The following MSRB3 variants were observed in gnomAD, a reference collection of about 807,000 sequenced individuals.
The protein encoded by MSRB3 is methionine-R-sulfoxide reductase B3.
MSRB3 carries 13 observed loss-of-function variants against 21.0 expected under a neutral mutation model. The ratio of observed to expected loss-of-function variants is 0.62; its 90% CI spans 0.40 to 0.98. The LOEUF is 0.98. MSRB3 is among the 50% of genes least tolerant of loss of function. The pLI is 0.00. For missense variants in MSRB3, 199 were observed against 230.3 expected (o/e 0.86, Z 0.88); for synonymous variants, 87 against 88.6 (o/e 0.98, Z 0.10).
intron 1 of MSRB3, among the ~76,000 whole-genome samples, chr12:65,306,416 C>T (rs1439136566): frequency 6.6e-6 from 1 of 152,178 alleles, no homozygotes; most frequent in African/African-American, 2.4e-5. Flanking sequence ...GTCTCAGCTA[C>T]ATATTTTCAG....
chr12:65,327,173 A>C (rs1875102561), intron 3 of MSRB3, among the ~76,000 whole-genome samples: 1 of 152,208 alleles, frequency 6.6e-6, no homozygotes, highest in Admixed American at 6.5e-5. Context: ...GCTTTTGTTA[A>C]GGGCCTGTTT....
chr12:65,395,570 T>C (rs993225736), intron 5 of MSRB3, among the ~76,000 whole-genome samples: 6 of 152,178 alleles, frequency 3.9e-5, no homozygotes, highest in African/African-American at 1.2e-4. Context: ...CTGGAAGAGA[T>C]TGTAGAAAAT....
At chr12:65,326,401 T>A (rs1323918784) in intron 2 of MSRB3, among the ~76,000 whole-genome samples, 2 of 152,178 alleles carry the variant, frequency 1.3e-5, no homozygotes, top group East Asian at 3.8e-4. Flanking sequence ...GCTATTCTAC[T>A]AAGTTGCAAA....
chr12:65,438,249 C>A (rs1882210161), intron 5 of MSRB3, among the ~76,000 whole-genome samples: 1 of 151,832 alleles, frequency 6.6e-6, no homozygotes, highest in South Asian at 2.1e-4. Flanking sequence ...TTGAAGGAAG[C>A]CACTGCTGAG....
chr12:65,435,471 C>G (rs1359466208), intron 5 of MSRB3, among the ~76,000 whole-genome samples: 1 of 151,794 alleles, frequency 6.6e-6, no homozygotes, highest in African/African-American at 2.4e-5. Context: ...CTCCACGTGT[C>G]TCTCTGATGT....
At chr12:65,285,075 A>G (rs966419359) in intron 1 of MSRB3, 6 of 152,160 alleles carry the variant, frequency 3.9e-5, no homozygotes, top group African/African-American at 1.4e-4. Context: ...TTTCCACCAG[A>G]TGGAGTACTC....
intron 5 of MSRB3, among the ~76,000 whole-genome samples, chr12:65,399,240 A>T (rs1362852751): frequency 6.6e-6 from 1 of 152,184 alleles, no homozygotes; most frequent in Non-Finnish European, 1.5e-5. Context: ...ATCCATGAGC[A>T]TGGAATGTTT....
At chr12:65,316,758 G>T (rs1300458095) in intron 2 of MSRB3, among the ~76,000 whole-genome samples, 13 of 152,102 alleles carry the variant, frequency 8.5e-5, no homozygotes, top group Admixed American at 7.9e-4. Flanking sequence ...GATTCTATAT[G>T]AACACTTTCT....
intron 4 of MSRB3, among the ~76,000 whole-genome samples, chr12:65,346,360 T>C (rs1592546428): frequency 6.6e-6 from 1 of 152,174 alleles, no homozygotes; most frequent in East Asian, 1.9e-4. Flanking sequence ...TTTTCATGTG[T>C]TTTTTGGCTA....
intron 4 of MSRB3, among the ~76,000 whole-genome samples, chr12:65,358,720 C>T (rs1306822530): frequency 6.6e-6 from 1 of 151,942 alleles, no homozygotes; most frequent in Admixed American, 6.6e-5. Context: ...TAGGTGGCCT[C>T]TCTGCTTTGA....
intron 4 of MSRB3, among the ~76,000 whole-genome samples, chr12:65,348,921 T>C (rs1876730229): frequency 6.9e-6 from 1 of 145,292 alleles, no homozygotes; most frequent in Admixed American, 6.7e-5. Context: ...TTTCTTTTTT[T>C]ATATACTTTA....
chr12:65,332,299 G>GTC (rs1430636933), intron 4 of MSRB3, among the ~76,000 whole-genome samples: 1 of 152,130 alleles, frequency 6.6e-6, no homozygotes, highest in East Asian at 1.9e-4. Context: ...TGAGGTGTGT[G>GTC]TGTGTGTGTG....
chr12:65,401,510 C>T lies in MSRB3; in HGVS notation c.292+32484C>T, dbSNP rs184718836. On this transcript the variant is annotated intron_variant, in intron 5 of 6. Coordinates refer to ENST00000308259, the MANE Select transcript of MSRB3 (RefSeq NM_001031679.3). ...TTTTGAGCTTATATGTGTCTTTGCACGTGAGATGGGTATCCTGAATACAGC... is the reference window on the plus strand; with the variant it reads ...TTTTGAGCTTATATGTGTCTTTGCATGTGAGATGGGTATCCTGAATACAGC... 3.2e-3 allele frequency among the ~76,000 whole-genome samples: 489 copies of T among 152,232 alleles called. 1 individual carries two copies. Among genetic ancestry groups the T allele is most frequent in the Non-Finnish European group, 5.6e-3 (379 of 68,026 alleles).
chr12:65,325,839 A>G (rs895490979), intron 2 of MSRB3, among the ~76,000 whole-genome samples: 2 of 152,162 alleles, frequency 1.3e-5, no homozygotes, highest in South Asian at 2.1e-4. Context: ...AGTAATGGCT[A>G]CCCTGTCCTG....
chr12:65,302,302 A>C (rs992281142), intron 1 of MSRB3, among the ~76,000 whole-genome samples: 3 of 152,130 alleles, frequency 2.0e-5, no homozygotes, highest in African/African-American at 7.2e-5. Flanking sequence ...TCCTTCATAC[A>C]GCTTCTCTTT....
intron 5 of MSRB3, among the ~76,000 whole-genome samples, chr12:65,399,246 T>A (rs1156559754): frequency 6.6e-6 from 1 of 152,206 alleles, no homozygotes; most frequent in Non-Finnish European, 1.5e-5. Context: ...GAGCATGGAA[T>A]GTTTTTCCCT....
intron 5 of MSRB3, among the ~76,000 whole-genome samples, chr12:65,407,376 C>G (rs1485227845): frequency 6.7e-6 from 1 of 149,654 alleles, no homozygotes; most frequent in African/African-American, 2.5e-5. Flanking sequence ...ATATTTCACT[C>G]TGCTCTCTTC....
chr12:65,281,433 G>T (rs1254887908), intron 1 of MSRB3, among the ~76,000 whole-genome samples: 2 of 152,124 alleles, frequency 1.3e-5, no homozygotes, highest in African/African-American at 2.4e-5. Flanking sequence ...CTGATTGTCA[G>T]CCTGTGACTT....
chr12:65,291,117 C>T (rs1379443791), intron 1 of MSRB3, among the ~76,000 whole-genome samples: 1 of 151,724 alleles, frequency 6.6e-6, no homozygotes, highest in East Asian at 1.9e-4. Context: ...TGGAGTCTCA[C>T]TCTTGTCACC....
Sources: allele counts gnomAD v4.1 joint callset (sites outside exome capture counted in the v4.1 genomes callset), GRCh38; gene constraint gnomAD v4.1.1; transcripts MANE v1.5; gene names NCBI Gene and HGNC (gene_info 2026-07-23, HGNC 2026-07-21).